The following ZNF385D variants were observed in gnomAD, a reference collection of about 807,000 sequenced individuals.
ZNF385D encodes the protein zinc finger protein 659.
Under a neutral mutation model 35.8 loss-of-function variants are expected in ZNF385D, and 15 were observed. The ratio of observed to expected loss-of-function variants is 0.42; its 90% CI spans 0.28 to 0.64. The LOEUF is 0.64. Among genes scored for constraint, ZNF385D ranks in the 30% least tolerant of loss-of-function variants. The pLI is 0.23. For synonymous variants in ZNF385D, 212 were observed against 186.8 expected (o/e 1.13, Z -1.10); for missense variants, 474 against 494.6 (o/e 0.96, Z 0.39).
Position 22,142,981 on chromosome 3 carries a change from A to G in ZNF385D, c.325+25836T>C, listed in dbSNP as rs1055249981. 3.3e-5 allele frequency among the ~76,000 whole-genome samples: 5 copies of G among 151,426 alleles called. No individual in the cohort carries two copies. In the East Asian group the frequency reaches 9.7e-4, roughly 29 times the overall value. ...CACTGCCCGTAAGTTTGAATGAGTCATTTGTTTCCTCTGGGGTCATGAATG... is the reference window on the plus strand; with the variant it reads ...CACTGCCCGTAAGTTTGAATGAGTCGTTTGTTTCCTCTGGGGTCATGAATG... On this transcript the variant is annotated intron_variant, in intron 3 of 5. Transcript: ENST00000494108.
intron 3 of ZNF385D, among the ~76,000 whole-genome samples, chr3:22,105,298 G>A (rs1433529896): frequency 6.7e-6 from 1 of 150,004 alleles, no homozygotes; most frequent in Admixed American, 6.6e-5. Flanking sequence ...AGTAATTACT[G>A]CATATTGCCT....
rs763690613 is a variant in ZNF385D at position 21,465,652 on chromosome 3, C to T, written c.440-28449G>A. On this transcript the variant is annotated intron_variant, in intron 4 of 7. Transcript: ENST00000281523. The surrounding 1 kb of genome is among the most constrained non-coding windows in gnomAD (Gnocchi z 4.2). ...CTTGTCTCACATCTGTGTAAGTCTC[C>T]GTGTATCTTATTTTCTTTCCTGGCT... Among the ~76,000 whole-genome samples the T allele has an allele frequency of 1.3e-5, 2 of 152,174 alleles. No individual in the cohort carries two copies. Among genetic ancestry groups the T allele is most frequent in the Admixed American group, 6.5e-5 (1 of 15,284 alleles).
chr3:22,137,097 A>G (rs1014095791), intron 3 of ZNF385D, among the ~76,000 whole-genome samples: 1 of 152,184 alleles, frequency 6.6e-6, no homozygotes, highest in Non-Finnish European at 1.5e-5. Flanking sequence ...ATAATGTACT[A>G]TTACCTAAAC....
intron 3 of ZNF385D, among the ~76,000 whole-genome samples, chr3:22,050,166 G>C (rs1699258742): frequency 6.6e-6 from 1 of 151,112 alleles, no homozygotes; most frequent in Admixed American, 6.6e-5. Flanking sequence ...AGGAGTTTGA[G>C]ACCAGCCTGG....
intron 3 of ZNF385D, among the ~76,000 whole-genome samples, chr3:22,107,994 T>A (rs1164393895): frequency 1.3e-5 from 2 of 151,808 alleles, no homozygotes; most frequent in African/African-American, 4.8e-5. Context: ...GGCTATCTCC[T>A]GCCCTTCTGC....
intron 3 of ZNF385D, among the ~76,000 whole-genome samples, chr3:21,776,788 A>G (rs898776416): frequency 6.6e-6 from 1 of 151,936 alleles, no homozygotes; most frequent in African/African-American, 2.4e-5. Flanking sequence ...AAAAAGAAAC[A>G]TTATTCTTTA....
rs1700865803 is a variant in ZNF385D, at chr3:21,423,962, C to A, written c.954+1G>T. 1 of 1,606,332 alleles carries A rather than the reference C, an allele frequency of 6.2e-7. No individual in the cohort carries two copies. Among genetic ancestry groups the A allele is most frequent in the South Asian group, 1.1e-5 (1 of 89,692 alleles). ...CTGGACTCTTGCAAAATGACACTCA[C>A]CCCCAGTGGATGTGCTGTCTTCTGT... On this transcript the variant is annotated splice_donor_variant, in intron 7 of 7. Transcript: ENST00000281523. LOFTEE classifies it high-confidence loss of function.
At chr3:21,880,869 A>C (rs77662473) in intron 3 of ZNF385D, among the ~76,000 whole-genome samples, 6,048 of 152,092 alleles carry the variant, frequency 0.04, 150 homozygotes, top group South Asian at 0.082. Flanking sequence ...TATTGCTGAT[A>C]CGAAGAAAGT....
At chr3:21,443,606 G>T (rs1396452383) in intron 4 of ZNF385D, among the ~76,000 whole-genome samples, 2 of 152,124 alleles carry the variant, frequency 1.3e-5, no homozygotes, top group Non-Finnish European at 2.9e-5. Flanking sequence ...TTAGAAAAAT[G>T]AATTGCACTT....
At position 21,664,959 on chromosome 3, in the gene ZNF385D, A is replaced by T; in HGVS notation, c.92T>A (p.Leu31Gln). 6.2e-7 allele frequency: 1 copy of T among 1,613,728 alleles called. No individual in the cohort carries two copies. The part of the protein sequence containing the change: ...RPPAPPLQPS[L>Q]DIKPFLPFPL... ...AAAGGGAAGAAATGGTTTAATATCC[A>T]GCGATGGTTGCAAAGGAGGGGCTGG... The change falls in exon 2 of 8, where the codon CTG becomes CAG. Residue 31 changes from leucine to glutamine, a missense_variant. By Grantham distance (113) the Leu-to-Gln change is moderately radical. Coordinates refer to ENST00000281523, the MANE Select transcript of ZNF385D (RefSeq NM_024697.3).
rs376284089 is a variant in ZNF385D, at chr3:22,318,110, C to G, written c.106+54340G>C. 1.6e-4 allele frequency among the ~76,000 whole-genome samples: 24 copies of G among 151,332 alleles called. No individual in the cohort carries two copies. In the East Asian group the frequency reaches 2.3e-3, roughly 15 times the overall value. ...AGAGTGCCAGTACATGGAGAGTGCT[C>G]AATGTGTTTTGGCTGTTAATATTTT... On this transcript the variant is annotated intron_variant, in intron 2 of 5. Transcript: ENST00000494108.
chr3:22,184,591 C>T (rs912263462), intron 2 of ZNF385D, among the ~76,000 whole-genome samples: 11 of 151,972 alleles, frequency 7.2e-5, no homozygotes, highest in Middle Eastern at 3.2e-3. Flanking sequence ...TTTGGGAGGC[C>T]GAAGAGGGTG....
chr3:22,265,811 T>G (rs1700869552), intron 2 of ZNF385D, among the ~76,000 whole-genome samples: 1 of 152,000 alleles, frequency 6.6e-6, no homozygotes, highest in Admixed American at 6.6e-5. Context: ...TGCCTCATTT[T>G]AGGCCTGGTG....
chr3:21,674,334 C>A (rs1003476937), intron 1 of ZNF385D, among the ~76,000 whole-genome samples: 2 of 152,028 alleles, frequency 1.3e-5, no homozygotes, highest in Admixed American at 6.6e-5. Flanking sequence ...CCAATGGAGA[C>A]AATTATTTTC....
intron 3 of ZNF385D, among the ~76,000 whole-genome samples, chr3:21,970,267 C>G (rs959943544): frequency 7.9e-5 from 12 of 151,900 alleles, no homozygotes; most frequent in Admixed American, 5.9e-4. Flanking sequence ...AGATATGTGA[C>G]TAATAATTCA....
At chr3:21,653,771 GA>G (rs528896622) in intron 2 of ZNF385D, among the ~76,000 whole-genome samples, 1,518 of 149,668 alleles carry the variant, frequency 0.01, 33 homozygotes, top group African/African-American at 0.033. Flanking sequence ...GAACTATCCG[GA>G]AAAAAAAAGG....
intron 3 of ZNF385D, among the ~76,000 whole-genome samples, chr3:22,047,479 G>C (rs1428616995): frequency 1.3e-5 from 2 of 152,026 alleles, no homozygotes; most frequent in East Asian, 1.9e-4. Flanking sequence ...GATTCAACAT[G>C]TACGTAAGAT....
At chr3:21,747,812 G>A (rs2069851454) in intron 1 of ZNF385D, among the ~76,000 whole-genome samples, 1 of 152,182 alleles carries the variant, frequency 6.6e-6, no homozygotes, top group African/African-American at 2.4e-5. Flanking sequence ...AATCTAGGGA[G>A]AAGTCTCCCA....
intron 3 of ZNF385D, among the ~76,000 whole-genome samples, chr3:21,845,705 A>T (rs1695963204): frequency 6.6e-6 from 1 of 151,948 alleles, no homozygotes; most frequent in Non-Finnish European, 1.5e-5. Flanking sequence ...ATATTATAAC[A>T]TCAGGATCTT....
Sources: allele counts gnomAD v4.1 joint callset (sites outside exome capture counted in the v4.1 genomes callset), GRCh38; gene constraint gnomAD v4.1.1; non-coding constraint Gnocchi (gnomAD v3.1); transcripts MANE v1.5; gene names NCBI Gene and HGNC (gene_info 2026-07-23, HGNC 2026-07-21).